The following SNX8 variants were observed in gnomAD, a reference collection of about 807,000 sequenced individuals.
The protein encoded by SNX8 is sorting nexin-8.
In SNX8, 25 loss-of-function variants were observed where a neutral mutation model predicts 51.6. The observed-to-expected ratio is 0.48, with a 90% CI of 0.35 to 0.68. The LOEUF is 0.68. Ranked by LOEUF, SNX8 falls within the 30% of genes least tolerant of loss-of-function variation. The pLI is 0.00. For synonymous variants in SNX8, 324 were observed against 277.0 expected (o/e 1.17, Z -1.68); for missense variants, 695 against 624.0 (o/e 1.11, Z -1.21).
chr7:2,277,218 G>A (rs1457375682), intron 2 of SNX8, among the ~76,000 whole-genome samples: 2 of 152,210 alleles, frequency 1.3e-5, no homozygotes, highest in African/African-American at 4.8e-5. Context: ...CTGAGACAAC[G>A]AAGCAAGGGA....
chr7:2,289,775 G>C (rs191284334), intron 1 of SNX8, among the ~76,000 whole-genome samples: 1 of 152,266 alleles, frequency 6.6e-6, no homozygotes, highest in Non-Finnish European at 1.5e-5. Flanking sequence ...AAAGCCATTC[G>C]GGCCAGGCAC....
chr7:2,308,704 C>T (rs190533708), intron 1 of SNX8, among the ~76,000 whole-genome samples: 3 of 144,568 alleles, frequency 2.1e-5, no homozygotes, highest in East Asian at 2.0e-4. Context: ...TGGAAGGGAG[C>T]GAAATGGGGC....
At chr7:2,323,624 A>G (rs1011509201) in intron 1 of SNX8, among the ~76,000 whole-genome samples, 3 of 152,178 alleles carry the variant, frequency 2.0e-5, no homozygotes, top group Admixed American at 2.0e-4. Flanking sequence ...GATATGGCCC[A>G]GAAGTAAGAC....
intron 1 of SNX8, among the ~76,000 whole-genome samples, chr7:2,280,477 CAAA>C (rs1168122413): frequency 8.3e-6 from 1 of 120,322 alleles, no homozygotes; most frequent in African/African-American, 3.0e-5. Flanking sequence ...GACTCTGTCT[CAAA>C]AAAAAAAAAA....
At position 2,321,073 on chromosome 7, in the gene SNX8, G is replaced by A. The variant is rs191872472; in HGVS notation, c.-66+33149C>T. Among the ~76,000 whole-genome samples the A allele has an allele frequency of 1.2e-3, 187 of 151,964 alleles. 1 individual carries two copies. The highest frequency in any genetic ancestry group is 3.4e-3 in the Middle Eastern group (1 of 294). ...AAACAAAAACGAAATGTGTGTAGCC[G>A]GTGGGAGGCACTGCAGGGACAGCCA... On this transcript the variant is annotated intron_variant, in intron 1 of 5. Coordinates refer to the SNX8 transcript ENST00000435336.
At chr7:2,304,425 T>G (rs1026552081) in intron 1 of SNX8, among the ~76,000 whole-genome samples, 39 of 151,218 alleles carry the variant, frequency 2.6e-4, no homozygotes, top group African/African-American at 8.8e-4. Context: ...GCGCCTGTAG[T>G]CCCAGCTACT....
intron 1 of SNX8, among the ~76,000 whole-genome samples, chr7:2,289,034 G>T (rs1361844407): frequency 1.4e-4 from 21 of 152,186 alleles, no homozygotes; most frequent in Non-Finnish European, 1.5e-5. Flanking sequence ...TCTGCACCTG[G>T]CTTGTTTTTA....
chr7:2,342,141 T>A (rs1778938868), intron 1 of SNX8, among the ~76,000 whole-genome samples: 1 of 151,440 alleles, frequency 6.6e-6, no homozygotes, highest in Non-Finnish European at 1.5e-5. Flanking sequence ...ATCTCACCAC[T>A]GCACTCCAGC....
At chr7:2,345,535 G>A (rs370170437) in intron 1 of SNX8, among the ~76,000 whole-genome samples, 13 of 151,906 alleles carry the variant, frequency 8.6e-5, no homozygotes, top group East Asian at 2.0e-4. Flanking sequence ...AAAATTAGCC[G>A]GGCCTGCTGG....
In SNX8 at chr7:2,278,160, C is replaced by A. The variant is rs1481731495; in HGVS notation, c.240G>T (p.Glu80Asp). The A allele has an allele frequency of 5.6e-6, 9 of 1,614,034 alleles. No homozygotes were observed. The highest frequency in any genetic ancestry group is 7.6e-6 in the Non-Finnish European group (9 of 1,180,024). ...AGAGGCCCTTCTTCTCCGGAATGAG[C>A]TCCACCTGCACGGTGTCCCTGGCCA... is the stretch of plus-strand genomic sequence containing the variant. ...ELLARDTVQV[E>D]LIPEKKGLFL... Residue 80 changes from glutamate to aspartate, a missense_variant, in exon 2 of 11, where the codon GAG (glutamate) becomes GAT (aspartate). Coordinates refer to ENST00000222990, the MANE Select transcript of SNX8 (RefSeq NM_013321.4).
intron 1 of SNX8, among the ~76,000 whole-genome samples, chr7:2,302,758 C>A (rs576953662): frequency 6.6e-6 from 1 of 151,902 alleles, no homozygotes; most frequent in African/African-American, 2.4e-5. Flanking sequence ...CCCACCGCCC[C>A]GTCTGGGATG....
At position 2,289,930 on chromosome 7, in the gene SNX8, C is replaced by T. The variant is rs534706617; in HGVS notation, c.95-11625G>A. Among the ~76,000 whole-genome samples, 309 of 152,304 alleles carry T rather than the reference C, an allele frequency of 2.0e-3. 1 individual carries two copies. The highest frequency in any genetic ancestry group is 3.4e-3 in the Middle Eastern group (1 of 294). On this transcript the variant is annotated intron_variant, in intron 1 of 10. Transcript: ENST00000222990. ...AAAATAAGGCCAGCGTGATAGCACACACCTGTAATGCCAACACTTTGGGAG... is the reference window on the plus strand; with the variant it reads ...AAAATAAGGCCAGCGTGATAGCACATACCTGTAATGCCAACACTTTGGGAG...
intron 1 of SNX8, among the ~76,000 whole-genome samples, chr7:2,313,784 G>C (rs1796706733): frequency 6.6e-6 from 1 of 152,192 alleles, no homozygotes; most frequent in African/African-American, 2.4e-5. Flanking sequence ...TCACTTGAAA[G>C]AGAGAGAAAA....
rs199722179 is a variant in SNX8 at position 2,257,383 on chromosome 7, C to G, written c.1116G>C (p.Leu372=). The change falls in exon 9 of 11, where the codon CTG becomes CTC. Residue 372 remains leucine (L), a synonymous_variant. Coordinates refer to ENST00000222990, the MANE Select transcript of SNX8 (RefSeq NM_013321.4). ...CACCCACCTCCACAATGCGGGACTC[C>G]AGCTGCTCCACGGACTCCGGCTCGC... The part of the protein sequence containing the change: ...QNREPESVEQ[L]ESRIVEQENA... 50 of 1,608,790 alleles carry G rather than the reference C, an allele frequency of 3.1e-5. No individual in the cohort carries two copies. The East Asian group carries it at 9.6e-4, about 31-fold the overall frequency.
At chr7:2,261,653 A>G (rs1795339486) in intron 7 of SNX8, among the ~76,000 whole-genome samples, 1 of 152,210 alleles carries the variant, frequency 6.6e-6, no homozygotes, top group African/African-American at 2.4e-5. Flanking sequence ...GAGTGGGCAC[A>G]CAGACCTGGA....
At chr7:2,283,199 C>G (rs1024715257) in intron 1 of SNX8, among the ~76,000 whole-genome samples, 1 of 152,190 alleles carries the variant, frequency 6.6e-6, no homozygotes, top group Non-Finnish European at 1.5e-5. Context: ...TTGAAGCACA[C>G]CTTCGCAAAT....
chr7:2,308,339 A>T (rs1231596610), intron 1 of SNX8, among the ~76,000 whole-genome samples: 1 of 152,062 alleles, frequency 6.6e-6, no homozygotes, highest in Non-Finnish European at 1.5e-5. Context: ...TAAAAAAAAT[A>T]AAAATAAGTT....
chr7:2,278,224 C>T lies in SNX8; in HGVS notation c.176G>A (p.Gly59Glu). The change falls in exon 2 of 11, where the codon GGG (glycine) becomes GAG (glutamate). Residue 59 changes from glycine (G) to glutamate (E), a missense_variant. Gly to Glu is a moderately conservative substitution (Grantham distance 98). Transcript: ENST00000222990. ...GGTGTGGGACAGCAGCAGCGGGTTCCCCTGCGGCATCTGCATTCGACTGGG... is the reference window on the plus strand; with the variant it reads ...GGTGTGGGACAGCAGCAGCGGGTTCTCCTGCGGCATCTGCATTCGACTGGG... ...PAPSRMQMPQ[G>E]NPLLLSHTLQ... 2 of 1,612,422 alleles carry T rather than the reference C, an allele frequency of 1.2e-6. No individual in the cohort carries two copies. Among genetic ancestry groups the T allele is most frequent in the Non-Finnish European group, 1.7e-6 (2 of 1,178,884 alleles).
At chr7:2,333,067 T>C (rs1453712761) in intron 1 of SNX8, among the ~76,000 whole-genome samples, 1 of 149,452 alleles carries the variant, frequency 6.7e-6, no homozygotes. Flanking sequence ...CCAGGAGTTC[T>C]TTTTTGTTTC....
Sources: gnomAD v4.1 joint callset for allele counts (sites outside exome capture counted in the v4.1 genomes callset) on GRCh38, gnomAD v4.1.1 for gene constraint, MANE v1.5 for transcripts, NCBI Gene and HGNC (gene_info 2026-07-23, HGNC 2026-07-21) for gene names.